KHDRBS2: variants seen among roughly 807,000 people sequenced by gnomAD.
KHDRBS2 encodes the protein KH RNA binding domain containing, signal transduction associated 2.
A neutral mutation model predicts 44.3 loss-of-function variants in KHDRBS2; 26 were observed. The ratio of observed to expected loss-of-function variants is 0.59; its 90% CI spans 0.43 to 0.81. The LOEUF (loss-of-function observed/expected upper bound fraction) is 0.81. Ranked by LOEUF, KHDRBS2 falls within the 40% of genes least tolerant of loss-of-function variation. The pLI is 0.00. For missense variants in KHDRBS2, 476 were observed against 433.1 expected, an observed-to-expected ratio of 1.10 and a Z score of -0.88; for synonymous variants, 194 against 151.1, an observed-to-expected ratio of 1.28 and a Z score of -2.08.
At chr6:62,169,765 G>C (rs1424878354) in intron 2 of KHDRBS2, among the ~76,000 whole-genome samples, 1 of 152,058 alleles carries the variant, frequency 6.6e-6, no homozygotes, top group Non-Finnish European at 1.5e-5. Flanking sequence ...ACTACCAGTA[G>C]TTTTGGCAAA....
At chr6:62,189,451 A>C (rs1361149140) in intron 1 of KHDRBS2, among the ~76,000 whole-genome samples, 1 of 152,080 alleles carries the variant, frequency 6.6e-6, no homozygotes, top group Non-Finnish European at 1.5e-5. Flanking sequence ...GCCAGATAGT[A>C]AGTGTTTGCC....
chr6:62,002,960 G>C (rs1306910945), intron 3 of KHDRBS2, among the ~76,000 whole-genome samples: 1 of 151,994 alleles, frequency 6.6e-6, no homozygotes, highest in Non-Finnish European at 1.5e-5. Flanking sequence ...AAACCATTCT[G>C]AGGATTTGGT....
intron 6 of KHDRBS2, among the ~76,000 whole-genome samples, chr6:61,868,844 T>G (rs896504436): frequency 3.3e-5 from 5 of 152,150 alleles, no homozygotes; most frequent in African/African-American, 1.2e-4. Flanking sequence ...TTGCCTGAGT[T>G]GCAGTCGCCT....
intron 7 of KHDRBS2, among the ~76,000 whole-genome samples, chr6:61,719,780 T>C (rs1194301516): frequency 6.6e-6 from 1 of 151,968 alleles, no homozygotes; most frequent in East Asian, 1.9e-4. Flanking sequence ...TAAATTTATT[T>C]ATTTATTATT....
At chr6:62,054,662 T>C (rs1048062442) in intron 2 of KHDRBS2, among the ~76,000 whole-genome samples, 2 of 151,890 alleles carry the variant, frequency 1.3e-5, no homozygotes, top group African/African-American at 4.8e-5. Context: ...GCTTTGAAGA[T>C]GAAAGGAGGC....
In KHDRBS2 at chr6:62,064,700, C is replaced by T. The variant is rs374689476; in HGVS notation, c.220-16706G>A. Among the ~76,000 whole-genome samples, 17 of 152,096 alleles carry T rather than the reference C, an allele frequency of 1.1e-4. No individual in the cohort carries two copies. In the East Asian group the frequency reaches 3.3e-3, roughly 29 times the overall value. ...ACCCTAGAAGAAAACCTAGGCATTA[C>T]CATTCAGGTCACAGGCATGGGCAAG... On this transcript the variant is annotated intron_variant, in intron 2 of 8. Transcript: ENST00000281156.
the KHDRBS2 span, among the ~76,000 whole-genome samples, chr6:61,564,599 C>T: frequency 1.1e-4 from 17 of 151,838 alleles, no homozygotes; most frequent in Admixed American, 4.6e-4. Context: ...TATCAATATC[C>T]GAGAGAATGA....
intron 1 of KHDRBS2, among the ~76,000 whole-genome samples, chr6:62,249,453 C>T (rs1391496170): frequency 1.3e-5 from 2 of 151,948 alleles, no homozygotes; most frequent in Non-Finnish European, 2.9e-5. Flanking sequence ...TCATAAATCA[C>T]ATATATTAAT....
intron 6 of KHDRBS2, among the ~76,000 whole-genome samples, chr6:61,821,010 G>A (rs1320181310): frequency 6.6e-6 from 1 of 151,946 alleles, no homozygotes; most frequent in Non-Finnish European, 1.5e-5. Flanking sequence ...CTCAGAATTG[G>A]GAAATCTGTA....
At chr6:61,970,116 T>A (rs1303169536) in intron 4 of KHDRBS2, among the ~76,000 whole-genome samples, 1 of 152,002 alleles carries the variant, frequency 6.6e-6, no homozygotes, top group African/African-American at 2.4e-5. Flanking sequence ...CATAAGTGAT[T>A]GTCTTCTCTC....
At chr6:61,837,185 C>A (rs759125325) in intron 6 of KHDRBS2, among the ~76,000 whole-genome samples, 2 of 151,922 alleles carry the variant, frequency 1.3e-5, no homozygotes, top group Non-Finnish European at 2.9e-5. Flanking sequence ...CAAATCAGGA[C>A]GTATCTCATT....
At chr6:62,063,510 C>A (rs1198986482) in intron 2 of KHDRBS2, among the ~76,000 whole-genome samples, 1 of 151,366 alleles carries the variant, frequency 6.6e-6, no homozygotes, top group Non-Finnish European at 1.5e-5. Flanking sequence ...AGCATATAAA[C>A]AGAGCCACAG....
chr6:61,566,691 T>C, the KHDRBS2 span, among the ~76,000 whole-genome samples: 1 of 134,602 alleles, frequency 7.4e-6, no homozygotes, highest in Non-Finnish European at 1.6e-5. Flanking sequence ...TTTGCAAAGG[T>C]GGTTTCCATA....
At chr6:61,660,794 G>A in the KHDRBS2 span, among the ~76,000 whole-genome samples, 1 of 151,696 alleles carries the variant, frequency 6.6e-6, no homozygotes, top group African/African-American at 2.4e-5. Context: ...AATAAAAAAA[G>A]GTGATACTTG....
chr6:61,690,062 G>A (rs1767224246), intron 8 of KHDRBS2, among the ~76,000 whole-genome samples: 1 of 151,840 alleles, frequency 6.6e-6, no homozygotes, highest in Non-Finnish European at 1.5e-5. Flanking sequence ...TAAATCAAGT[G>A]TAGCACATTT....
chr6:61,654,443 A>G, the KHDRBS2 span, among the ~76,000 whole-genome samples: 1 of 151,880 alleles, frequency 6.6e-6, no homozygotes, highest in Non-Finnish European at 1.5e-5. Flanking sequence ...TGGAATCTTC[A>G]GGATGGATAC....
At chr6:62,198,003 A>C (rs556889502) in intron 1 of KHDRBS2, among the ~76,000 whole-genome samples, 1 of 152,308 alleles carries the variant, frequency 6.6e-6, no homozygotes, top group African/African-American at 2.4e-5. Flanking sequence ...TAAAAAACGA[A>C]ATAAAGGCAG....
chr6:62,159,079 A>G (rs1472306065), intron 2 of KHDRBS2, among the ~76,000 whole-genome samples: 2 of 152,050 alleles, frequency 1.3e-5, no homozygotes, highest in Non-Finnish European at 2.9e-5. Flanking sequence ...ATTGGAATTA[A>G]TATTTAAAAT....
chr6:61,939,412 C>A (rs1392310208), intron 4 of KHDRBS2, among the ~76,000 whole-genome samples: 2 of 151,912 alleles, frequency 1.3e-5, no homozygotes, highest in Non-Finnish European at 2.9e-5. Flanking sequence ...TTCTGCTTAC[C>A]CCCTGTAATT....
Sources: allele counts gnomAD v4.1 joint callset (sites outside exome capture counted in the v4.1 genomes callset), GRCh38; gene constraint gnomAD v4.1.1; transcripts MANE v1.5; gene names NCBI Gene and HGNC (gene_info 2026-07-23, HGNC 2026-07-21).